Variants in SH3PXD2A observed in about 807,000 individuals in gnomAD.
SH3PXD2A encodes the protein SH3 and PX domain-containing protein 2A.
In SH3PXD2A, 32 loss-of-function variants were observed where a neutral mutation model predicts 115.2. That is an observed-to-expected ratio of 0.28 (90% CI 0.21 to 0.37). SH3PXD2A has a LOEUF of 0.37. SH3PXD2A is among the 10% of genes least tolerant of loss of function. SH3PXD2A has a pLI of 1.00. For missense variants in SH3PXD2A, 1,328 were observed against 1,498.7 expected, an observed-to-expected ratio of 0.89 and a Z score of 1.88; for synonymous variants, 610 against 629.1, an observed-to-expected ratio of 0.97 and a Z score of 0.45.
chr10:103,724,929 C>T (rs576425987), intron 4 of SH3PXD2A, among the ~76,000 whole-genome samples: 12 of 152,344 alleles, frequency 7.9e-5, no homozygotes, highest in South Asian at 2.1e-4. Flanking sequence ...TCCAAGGTCA[C>T]GTCCTCCCAG....
At chr10:103,776,231 A>G (rs1473107175) in intron 2 of SH3PXD2A, among the ~76,000 whole-genome samples, 1 of 151,996 alleles carries the variant, frequency 6.6e-6, no homozygotes, top group Non-Finnish European at 1.5e-5. Flanking sequence ...TACAGAATAT[A>G]TAGATTTAAA....
At position 103,799,265 on chromosome 10, in the gene SH3PXD2A, C is replaced by A. The variant is rs143721899; in HGVS notation, c.153+2017G>T. On this transcript the variant is annotated intron_variant, in intron 2 of 14. Transcript: ENST00000369774. Reference sequence around the variant, plus strand: ...TTCTTCCTCTATAGGATCCGCCATACCAAAATCAGCGACCTGATAAATAAG... The same window carrying A: ...TTCTTCCTCTATAGGATCCGCCATAACAAAATCAGCGACCTGATAAATAAG... Among the ~76,000 whole-genome samples, 1,350 of 152,324 alleles carry A rather than the reference C, an allele frequency of 8.9e-3. 23 individuals are homozygous for A. The highest frequency in any genetic ancestry group is 0.031 in the African/African-American group (1,268 of 41,566).
chr10:103,678,260 G>T (rs1278697103), intron 6 of SH3PXD2A: 3 of 711,876 alleles, frequency 4.2e-6, no homozygotes, highest in East Asian at 6.5e-5. Flanking sequence ...CGTGGGTCCA[G>T]ACCAATCCCC....
intron 4 of SH3PXD2A, among the ~76,000 whole-genome samples, chr10:103,732,828 G>A (rs1194074468): frequency 4.6e-5 from 7 of 152,246 alleles, no homozygotes; most frequent in Non-Finnish European, 7.3e-5. Flanking sequence ...GGCAGGTAGA[G>A]ACAGGGGAAG....
Position 103,613,053 on chromosome 10 carries a change from T to C in SH3PXD2A, c.1058A>G (p.Lys353Arg). 1.9e-6 allele frequency: 3 copies of C among 1,614,248 alleles called. No homozygotes were observed. Among genetic ancestry groups the C allele is most frequent in the South Asian group, 2.2e-5 (2 of 91,088 alleles). The stretch of plus-strand genomic sequence containing the variant: ...AGTTTCCTTGTCCCCAGACGCCTTC[T>C]TGTTCAGCAGGTTGCTGATCTCCAT... The part of the protein sequence containing the change: ...NIMEISNLLN[K>R]KASGDKETPP... The change falls in exon 12 of 15, where the codon AAG becomes AGG. Residue 353 changes from lysine (K) to arginine (R), a missense_variant. Physicochemically the swap from Lys to Arg is conservative, Grantham distance 26. This residue lies in a region of SH3PXD2A where 509 missense variants were observed against 628.3 expected (regional missense o/e 0.81). Transcript: ENST00000369774.
intron 7 of SH3PXD2A, among the ~76,000 whole-genome samples, chr10:103,667,553 G>A (rs2037399887): frequency 6.6e-6 from 1 of 152,166 alleles, no homozygotes; most frequent in South Asian, 2.1e-4. Flanking sequence ...AGATTGCAAC[G>A]CCCTCCGACC....
At chr10:103,732,266 T>C (rs974179056) in intron 4 of SH3PXD2A, among the ~76,000 whole-genome samples, 13 of 152,232 alleles carry the variant, frequency 8.5e-5, no homozygotes, top group African/African-American at 2.9e-4. Flanking sequence ...TCCAAGCCTC[T>C]ATGGTATAGC....
chr10:103,626,933 G>A (rs554018409), intron 9 of SH3PXD2A, among the ~76,000 whole-genome samples, 156 bp downstream of exon 9: 3 of 152,296 alleles, frequency 2.0e-5, no homozygotes, highest in South Asian at 4.1e-4. Context: ...TGGGAGGTGA[G>A]CTTTTGGGCC....
At chr10:103,606,706 G>A (rs1275007918) in intron 13 of SH3PXD2A, among the ~76,000 whole-genome samples, 3 of 152,108 alleles carry the variant, frequency 2.0e-5, no homozygotes, top group South Asian at 2.1e-4. Flanking sequence ...TGTGTTGGCC[G>A]GGCTGGTCTC....
chr10:103,711,854 C>T (rs535672190), intron 5 of SH3PXD2A, among the ~76,000 whole-genome samples: 6 of 152,112 alleles, frequency 3.9e-5, no homozygotes, highest in African/African-American at 1.4e-4. Flanking sequence ...CAAGAATTTG[C>T]GACTAGCAGG....
chr10:103,611,665 C>T, intron 12 of SH3PXD2A, 35 bp from the exon 13 acceptor site: 3 of 1,580,888 alleles, frequency 1.9e-6, no homozygotes, highest in Non-Finnish European at 2.6e-6. Flanking sequence ...AAATCCTAGT[C>T]AGACGATGGG....
At chr10:103,773,069 C>CA (rs1489909946) in intron 2 of SH3PXD2A, among the ~76,000 whole-genome samples, 1 of 151,940 alleles carries the variant, frequency 6.6e-6, no homozygotes, top group Non-Finnish European at 1.5e-5. Context: ...ACTGAAAATA[C>CA]AAAAATTAGC....
At chr10:103,716,886 T>G (rs902071853) in intron 5 of SH3PXD2A, among the ~76,000 whole-genome samples, 6 of 152,082 alleles carry the variant, frequency 3.9e-5, no homozygotes, top group African/African-American at 1.4e-4. Context: ...GGAGAACGTG[T>G]GTATGTATGT....
At chr10:103,809,511 A>G (rs2039243284) in intron 1 of SH3PXD2A, among the ~76,000 whole-genome samples, 1 of 152,164 alleles carries the variant, frequency 6.6e-6, no homozygotes, top group South Asian at 2.1e-4. Context: ...CTCTGGGGAA[A>G]AGGGTTTTTA....
intron 1 of SH3PXD2A, among the ~76,000 whole-genome samples, chr10:103,805,403 A>G (rs1401547320): frequency 6.6e-6 from 1 of 152,190 alleles, no homozygotes; most frequent in Non-Finnish European, 1.5e-5. Flanking sequence ...CTCCTTCTCT[A>G]TACAAAGGAC....
intron 4 of SH3PXD2A, among the ~76,000 whole-genome samples, chr10:103,731,109 G>A (rs895892570): frequency 6.6e-6 from 1 of 151,920 alleles, no homozygotes; most frequent in Non-Finnish European, 1.5e-5. Context: ...CCCAGCTGAG[G>A]TGCTCAGATA....
At chr10:103,724,388 T>C in intron 4 of SH3PXD2A, 27 bp from the exon 5 acceptor site, 1 of 1,393,784 alleles carries the variant, frequency 7.2e-7, no homozygotes, top group Non-Finnish European at 9.9e-7. Flanking sequence ...AGAAAGGGCA[T>C]TAGGTGTGAT....
intron 6 of SH3PXD2A, among the ~76,000 whole-genome samples, chr10:103,691,387 T>C (rs1415153679): frequency 1.3e-5 from 2 of 152,160 alleles, no homozygotes; most frequent in Non-Finnish European, 2.9e-5. Flanking sequence ...GAAACTTGCC[T>C]AAGGTCACAC....
At chr10:103,852,730 C>T (rs1241950401) in intron 1 of SH3PXD2A, among the ~76,000 whole-genome samples, 1 of 152,236 alleles carries the variant, frequency 6.6e-6, no homozygotes, top group Admixed American at 6.5e-5. Flanking sequence ...TCTGTCCCAC[C>T]AGGCCCTTTC....
Sources: gnomAD v4.1 joint callset for allele counts (sites outside exome capture counted in the v4.1 genomes callset) on GRCh38, gnomAD v4.1.1 for gene constraint, gnomAD v4.1.1 regional missense constraint, MANE v1.5 for transcripts, NCBI Gene and HGNC (gene_info 2026-07-23, HGNC 2026-07-21) for gene names.